PTPRD: variants seen among roughly 807,000 people sequenced by gnomAD.
The protein encoded by PTPRD is protein tyrosine phosphatase receptor type D, also known as receptor-type tyrosine-protein phosphatase delta.
A neutral mutation model predicts 214.5 loss-of-function variants in PTPRD; 34 were observed. That is an observed-to-expected ratio of 0.16 (90% CI 0.12 to 0.21). PTPRD has a LOEUF of 0.21. PTPRD is among the 10% of genes least tolerant of loss of function. The pLI is 1.00. For missense variants in PTPRD, 2,545 were observed against 2,398.7 expected, an observed-to-expected ratio of 1.06 and a Z score of -1.27; for synonymous variants, 1,128 against 845.7, an observed-to-expected ratio of 1.33 and a Z score of -5.79.
intron 9 of PTPRD, among the ~76,000 whole-genome samples, chr9:9,353,131 G>C (rs1041200731): frequency 3.9e-5 from 6 of 151,928 alleles, no homozygotes; most frequent in African/African-American, 1.4e-4. Context: ...TCGGTCAAAA[G>C]ACTGTCCTTG....
intron 7 of PTPRD, among the ~76,000 whole-genome samples, chr9:9,631,846 G>A (rs1053875137): frequency 2.0e-5 from 3 of 152,118 alleles, no homozygotes; most frequent in African/African-American, 7.2e-5. Flanking sequence ...TTGCCGGGCA[G>A]TTATTTTAAT....
chr9:10,081,085 T>A (rs1215010386), intron 3 of PTPRD, among the ~76,000 whole-genome samples: 2 of 152,116 alleles, frequency 1.3e-5, no homozygotes, highest in African/African-American at 4.8e-5. Context: ...TTCTCCTTTT[T>A]TTAAACCTGC....
At chr9:10,505,641 GCCACATCTTTCT>G (rs1218802329) in intron 2 of PTPRD, among the ~76,000 whole-genome samples, 1 of 151,488 alleles carries the variant, frequency 6.6e-6, no homozygotes, top group South Asian at 2.1e-4. Flanking sequence ...ATGCTCCAAA[GCCACATCTTTCT>G]CCACATCTTT....
intron 6 of PTPRD, among the ~76,000 whole-genome samples, chr9:9,735,849 GTTAT>G (rs1334502354): frequency 6.6e-6 from 1 of 152,032 alleles, no homozygotes; most frequent in East Asian, 1.9e-4. Context: ...CATATTTTAA[GTTAT>G]TTCTTTGCGG....
At chr9:9,782,823 C>T (rs1006850867) in intron 5 of PTPRD, among the ~76,000 whole-genome samples, 4 of 152,114 alleles carry the variant, frequency 2.6e-5, no homozygotes, top group African/African-American at 9.7e-5. Flanking sequence ...TCAGGAAACC[C>T]ACAAAACGAA....
chr9:10,347,497 GCCC>G (rs751586810), intron 2 of PTPRD, among the ~76,000 whole-genome samples: 53 of 144,432 alleles, frequency 3.7e-4, no homozygotes, highest in Non-Finnish European at 6.9e-4. Context: ...TGCAACCTCT[GCCC>G]CCTGGGTTCA....
Position 8,940,280 on chromosome 9 carries a change from C to CCTTTTTT in PTPRD, c.-104+78416_-104+78417insAAAAAAG, listed in dbSNP as rs763715400. Among the ~76,000 whole-genome samples the CCTTTTTT allele has an allele frequency of 2.2e-4, 20 of 89,036 alleles. 1 individual carries two copies. The highest frequency in any genetic ancestry group is 3.9e-4 in the African/African-American group (9 of 22,902). 58.4% of individuals were successfully genotyped at this position (89,036 alleles called of 152,430 possible). A position where few individuals can be genotyped will look rare whatever the true frequency, so the allele number is the denominator to read the frequency against. On this transcript the variant is annotated intron_variant, in intron 11 of 45. Coordinates refer to ENST00000381196, the MANE Select transcript of PTPRD (RefSeq NM_002839.4). ...TCACACATCTCTCTCTCTCTCTCTCCTTTTTTTTTTTTTTTTTTTTGAGAT... is the reference window on the plus strand; with the variant it reads ...TCACACATCTCTCTCTCTCTCTCTCCCTTTTTTTTTTTTTTTTTTTTTTTTTTGAGAT...
intron 12 of PTPRD, among the ~76,000 whole-genome samples, chr9:8,654,382 C>G (rs78287849): frequency 0.023 from 3,528 of 152,250 alleles, 122 homozygotes; most frequent in African/African-American, 0.08. Context: ...GTAGTGGGTA[C>G]TCCTCCGATA....
At chr9:8,377,161 G>GT in intron 37 of PTPRD, among the ~76,000 whole-genome samples, 1 of 152,030 alleles carries the variant, frequency 6.6e-6, no homozygotes, top group Non-Finnish European at 1.5e-5. Flanking sequence ...AAATATGCTT[G>GT]TTTAAAGAAA....
chr9:10,549,262 G>C (rs938101959), intron 2 of PTPRD, among the ~76,000 whole-genome samples: 6 of 152,210 alleles, frequency 3.9e-5, no homozygotes, highest in South Asian at 4.2e-4. Context: ...GCAATGTTGT[G>C]TCAAATAACC....
At chr9:10,492,397 T>C (rs10959122) in intron 2 of PTPRD, among the ~76,000 whole-genome samples, 42,060 of 152,044 alleles carry the variant, frequency 0.28, 6,566 homozygotes, top group Non-Finnish European at 0.35. Flanking sequence ...TTTTTAATGA[T>C]TGCCATTCTA....
At chr9:8,947,930 T>C (rs959812522) in intron 11 of PTPRD, among the ~76,000 whole-genome samples, 1 of 151,996 alleles carries the variant, frequency 6.6e-6, no homozygotes, top group Admixed American at 6.6e-5. Context: ...GTATTACTAG[T>C]ATCATTGCAT....
intron 10 of PTPRD, among the ~76,000 whole-genome samples, chr9:9,030,682 C>T (rs997360722): frequency 2.6e-5 from 4 of 151,772 alleles, no homozygotes; most frequent in Non-Finnish European, 5.9e-5. Flanking sequence ...TTTATTTCTC[C>T]ACCAGTTTTT....
intron 14 of PTPRD, among the ~76,000 whole-genome samples, chr9:8,604,386 G>A (rs887651615): frequency 2.0e-5 from 3 of 152,138 alleles, no homozygotes; most frequent in African/African-American, 7.2e-5. Flanking sequence ...GATAGGGTGG[G>A]AAAGGAAGAA....
chr9:9,402,735 C>A (rs1285339727), intron 8 of PTPRD, among the ~76,000 whole-genome samples: 6 of 33,970 alleles, frequency 1.8e-4, no homozygotes, highest in East Asian at 1.7e-3. Flanking sequence ...AAAGACATAT[C>A]AAAAAAAAAG....
chr9:8,483,358 C>T (rs1176394046), intron 30 of PTPRD, among the ~76,000 whole-genome samples: 1 of 151,830 alleles, frequency 6.6e-6, no homozygotes, highest in Admixed American at 6.6e-5. Context: ...TTTTTTTCAA[C>T]CTTTTAGTAC....
chr9:9,577,304 C>G (rs2089210873), intron 7 of PTPRD, among the ~76,000 whole-genome samples: 1 of 152,156 alleles, frequency 6.6e-6, no homozygotes, highest in Admixed American at 6.5e-5. Flanking sequence ...TGGCTAATGT[C>G]TGTAACCTCA....
At chr9:8,368,474 G>C (rs573337808) in intron 39 of PTPRD, among the ~76,000 whole-genome samples, 74 of 152,046 alleles carry the variant, frequency 4.9e-4, no homozygotes, top group Non-Finnish European at 1.0e-3. Context: ...AAATAGACCT[G>C]ATATATGATT....
chr9:9,583,787 G>A (rs1480820404), intron 7 of PTPRD, among the ~76,000 whole-genome samples: 1 of 152,002 alleles, frequency 6.6e-6, no homozygotes, highest in Non-Finnish European at 1.5e-5. Context: ...GATAAGCTTG[G>A]AGACTCAGTC....
Sources: allele counts gnomAD v4.1 joint callset (sites outside exome capture counted in the v4.1 genomes callset), GRCh38; gene constraint gnomAD v4.1.1; transcripts MANE v1.5; gene names NCBI Gene and HGNC (gene_info 2026-07-23, HGNC 2026-07-21).